The following ANKRD17 variants were observed in gnomAD, a reference collection of about 807,000 sequenced individuals.
The protein encoded by ANKRD17 is ankyrin repeat domain 17.
In ANKRD17, 19 loss-of-function variants were observed where a neutral mutation model predicts 229.7. The ratio of observed to expected loss-of-function variants is 0.08; its 90% CI spans 0.06 to 0.12. The LOEUF is 0.12. ANKRD17 is among the 10% of genes least tolerant of loss of function. The probability of loss-of-function intolerance (pLI) is 1.00; values close to 1 mark genes in which losing one functional copy is unlikely to be tolerated. For synonymous variants in ANKRD17, 1,112 were observed against 1,146.1 expected, an observed-to-expected ratio of 0.97 and a Z score of 0.60; for missense variants, 2,176 against 3,176.8, an observed-to-expected ratio of 0.68 and a Z score of 7.57.
chr4:73,082,024 C>T (rs1223351096), intron 30 of ANKRD17, among the ~76,000 whole-genome samples: 1 of 151,988 alleles, frequency 6.6e-6, no homozygotes, highest in Non-Finnish European at 1.5e-5. Context: ...GTGGTGCACA[C>T]CTGTAGTCCC....
At chr4:73,239,944 T>G (rs1016829257) in intron 1 of ANKRD17, among the ~76,000 whole-genome samples, 4 of 152,234 alleles carry the variant, frequency 2.6e-5, no homozygotes. Context: ...TTTATCTACA[T>G]TGTATCTTAT....
chr4:73,175,908 G>C (rs1734672181), intron 2 of ANKRD17, among the ~76,000 whole-genome samples: 1 of 151,786 alleles, frequency 6.6e-6, no homozygotes, highest in Non-Finnish European at 1.5e-5. Context: ...AAGATTTCTT[G>C]AGTAATACCA....
At chr4:73,237,755 A>AAG (rs1336508226) in intron 1 of ANKRD17, among the ~76,000 whole-genome samples, 1 of 152,180 alleles carries the variant, frequency 6.6e-6, no homozygotes, top group African/African-American at 2.4e-5. Flanking sequence ...AAAAGGACTT[A>AAG]AGAGTCAGAA....
chr4:73,194,245 C>G (rs1414841207), intron 1 of ANKRD17, among the ~76,000 whole-genome samples: 1 of 152,154 alleles, frequency 6.6e-6, no homozygotes, highest in Non-Finnish European at 1.5e-5. Context: ...TACATTGAGG[C>G]ATATGATTAA....
chr4:73,234,955 GT>G (rs1384810885), intron 1 of ANKRD17, among the ~76,000 whole-genome samples: 1 of 152,096 alleles, frequency 6.6e-6, no homozygotes, highest in Non-Finnish European at 1.5e-5. Flanking sequence ...CCATTCCAAG[GT>G]TTCCCTGGGA....
chr4:73,166,436 T>TA (rs538017206), intron 2 of ANKRD17, among the ~76,000 whole-genome samples: 1 of 152,178 alleles, frequency 6.6e-6, no homozygotes, highest in Non-Finnish European at 1.5e-5. Context: ...TATACCTAGC[T>TA]AAACTATCAA....
At chr4:73,096,302 G>A (rs1392793616) in intron 27 of ANKRD17, among the ~76,000 whole-genome samples, 2 of 152,270 alleles carry the variant, frequency 1.3e-5, no homozygotes, top group East Asian at 3.9e-4. Flanking sequence ...AGTGTATAGA[G>A]AATATTCTGA....
chr4:73,151,365 T>C (rs1373142785), intron 7 of ANKRD17, 65 bp downstream of exon 7: 1 of 1,442,600 alleles, frequency 6.9e-7, no homozygotes, highest in Admixed American at 1.9e-5. Context: ...AGGCATTCAT[T>C]GTATACTACT....
At chr4:73,143,259 CT>C (rs924728216) in intron 11 of ANKRD17, among the ~76,000 whole-genome samples, 47 of 152,170 alleles carry the variant, frequency 3.1e-4, no homozygotes, top group African/African-American at 9.7e-4. Flanking sequence ...TAATTCACCC[CT>C]ATTCCCAAAT....
In ANKRD17 at chr4:73,125,914, CAT is replaced by C. The variant is rs1297711211; in HGVS notation, c.3235-604_3235-603del. 2.6e-5 allele frequency among the ~76,000 whole-genome samples: 4 copies of C among 151,902 alleles called. No individual in the cohort carries two copies. In the East Asian group the frequency reaches 7.8e-4, roughly 29 times the overall value. On this transcript the variant is annotated intron_variant, in intron 16 of 33. Transcript: ENST00000358602. ...TTGCTTTCAGCCATTAATGGAGAAA[CAT>C]AGATCAGATTTATTTTCCTATTTCA...
At chr4:73,122,640 C>T (rs1726898148) in intron 18 of ANKRD17, among the ~76,000 whole-genome samples, 1 of 152,052 alleles carries the variant, frequency 6.6e-6, no homozygotes, top group Non-Finnish European at 1.5e-5. Context: ...CCTGCTCTTA[C>T]TATTAATAAT....
In ANKRD17 at chr4:73,144,731, T is replaced by C. The variant is rs780370595; in HGVS notation, c.1957+14A>G. 6.5e-7 allele frequency: 1 copy of C among 1,527,358 alleles called. No individual in the cohort carries two copies. The highest frequency in any genetic ancestry group is 8.8e-7 in the Non-Finnish European group (1 of 1,140,398). 94.6% of individuals were successfully genotyped at this position (1,527,358 alleles called of 1,614,324 possible). A position where few individuals can be genotyped will look rare whatever the true frequency, so the allele number is the denominator to read the frequency against. On this transcript the variant is annotated intron_variant, in intron 11 of 33. Transcript: ENST00000358602. Reference sequence around the variant, plus strand: ...TACCTTTCAAAAAAAGACAACTGTTTTATACAAACCTACCTTTACTAATTA... The same window carrying C: ...TACCTTTCAAAAAAAGACAACTGTTCTATACAAACCTACCTTTACTAATTA...
intron 1 of ANKRD17, among the ~76,000 whole-genome samples, chr4:73,183,615 A>G (rs1315083948): frequency 6.6e-6 from 1 of 151,992 alleles, no homozygotes; most frequent in East Asian, 1.9e-4. Flanking sequence ...CTGGAAATAC[A>G]GGCGCATGAT....
intron 28 of ANKRD17, among the ~76,000 whole-genome samples, chr4:73,093,728 T>C (rs1038299581): frequency 6.6e-6 from 1 of 152,186 alleles, no homozygotes; most frequent in Non-Finnish European, 1.5e-5. Flanking sequence ...CAAAGGTTAT[T>C]TGAGAAAGAC....
intron 27 of ANKRD17, among the ~76,000 whole-genome samples, chr4:73,094,746 T>C (rs1321555958): frequency 6.6e-6 from 1 of 151,016 alleles, no homozygotes; most frequent in Non-Finnish European, 1.5e-5. Flanking sequence ...ATTATATGTG[T>C]GTGTGTATAT....
At chr4:73,152,847 C>A (rs113477207) in intron 6 of ANKRD17, among the ~76,000 whole-genome samples, 1 of 152,136 alleles carries the variant, frequency 6.6e-6, no homozygotes, top group Non-Finnish European at 1.5e-5. Flanking sequence ...AACTAAGGGA[C>A]CTCAGCTGTG....
At chr4:73,147,552 A>ATGT in intron 8 of ANKRD17, 120 bp from the exon 9 acceptor site, 1 of 833,532 alleles carries the variant, frequency 1.2e-6, no homozygotes, top group Non-Finnish European at 1.7e-6. Context: ...ACTATAATAA[A>ATGT]TAAGAAAGTG....
chr4:73,182,578 G>A (rs1446368081), intron 1 of ANKRD17, among the ~76,000 whole-genome samples: 1 of 152,104 alleles, frequency 6.6e-6, no homozygotes, highest in Non-Finnish European at 1.5e-5. Context: ...TTAACTACCT[G>A]AACCCATTGT....
rs180789320 is a variant in ANKRD17, at chr4:73,250,570, A to T, written c.393+7706T>A. On this transcript the variant is annotated intron_variant, in intron 1 of 33. Transcript: ENST00000358602. The stretch of plus-strand genomic sequence containing the variant: ...AGCCGAGAGCACGCCACTGCACTCC[A>T]GCATAGATGACCTTGTCTCAAAAAA... Among the ~76,000 whole-genome samples the T allele has an allele frequency of 2.4e-4, 31 of 126,912 alleles. No homozygotes were observed. The East Asian group carries it at 8.4e-3, about 34-fold the overall frequency. The allele number at this position is 126,912 out of a possible 152,430, so 83.3% of individuals were successfully genotyped here.
Sources: gnomAD v4.1 joint callset for allele counts (sites outside exome capture counted in the v4.1 genomes callset) on GRCh38, gnomAD v4.1.1 for gene constraint, MANE v1.5 for transcripts, NCBI Gene and HGNC (gene_info 2026-07-23, HGNC 2026-07-21) for gene names.